The following CNTNAP5 variants were observed in gnomAD, a reference collection of about 807,000 sequenced individuals.
The protein encoded by CNTNAP5 is contactin associated protein family member 5, also known as contactin-associated protein-like 5.
CNTNAP5 carries 72 observed loss-of-function variants against 150.2 expected under a neutral mutation model. The observed-to-expected ratio is 0.48, with a 90% CI of 0.40 to 0.58. The LOEUF (loss-of-function observed/expected upper bound fraction) is 0.58, where lower values mean the gene tolerates loss of function less well. Ranked by LOEUF, CNTNAP5 falls within the 20% of genes least tolerant of loss-of-function variation. The pLI is 0.00. For synonymous variants in CNTNAP5, 672 were observed against 619.8 expected (o/e 1.08, Z -1.25); for missense variants, 1,636 against 1,626.2 (o/e 1.01, Z -0.10).
At chr2:124,049,112 C>A (rs143993278) in intron 1 of CNTNAP5, among the ~76,000 whole-genome samples, 3 of 152,120 alleles carry the variant, frequency 2.0e-5, no homozygotes, top group Non-Finnish European at 2.9e-5. Flanking sequence ...CTTTGAGAAA[C>A]GCTGATTTCA....
intron 6 of CNTNAP5, among the ~76,000 whole-genome samples, chr2:124,450,528 A>G (rs1692942037): frequency 6.7e-6 from 1 of 149,028 alleles, no homozygotes; most frequent in South Asian, 2.2e-4. Context: ...CAGAAGGCAA[A>G]CAGACAAGAG....
intron 13 of CNTNAP5, among the ~76,000 whole-genome samples, chr2:124,714,796 C>A (rs1679910642): frequency 6.6e-6 from 1 of 151,912 alleles, no homozygotes. Flanking sequence ...GGGCCACATA[C>A]ATATACATTT....
At chr2:124,624,615 C>T (rs1057175308) in intron 12 of CNTNAP5, among the ~76,000 whole-genome samples, 1 of 152,144 alleles carries the variant, frequency 6.6e-6, no homozygotes, top group Admixed American at 6.5e-5. Flanking sequence ...CTGAACTTGA[C>T]ATCAAGTTTA....
chr2:124,808,005 A>G (rs912270288), intron 19 of CNTNAP5, among the ~76,000 whole-genome samples: 1 of 152,146 alleles, frequency 6.6e-6, no homozygotes, highest in Admixed American at 6.5e-5. Flanking sequence ...ACAAGTCAAG[A>G]AAAAAATACC....
At chr2:124,203,700 C>T (rs1394765989) in intron 1 of CNTNAP5, among the ~76,000 whole-genome samples, 1 of 152,210 alleles carries the variant, frequency 6.6e-6, no homozygotes, top group Non-Finnish European at 1.5e-5. Flanking sequence ...GTGACTGCAC[C>T]CTCTGAAGCA....
At chr2:124,476,362 C>T (rs1175571524) in intron 7 of CNTNAP5, among the ~76,000 whole-genome samples, 1 of 151,936 alleles carries the variant, frequency 6.6e-6, no homozygotes, top group Non-Finnish European at 1.5e-5. Flanking sequence ...CTCTTGAAAC[C>T]ACAAGGGATA....
intron 13 of CNTNAP5, among the ~76,000 whole-genome samples, chr2:124,705,940 C>T (rs1300972403): frequency 6.6e-6 from 1 of 152,142 alleles, no homozygotes; most frequent in Non-Finnish European, 1.5e-5. Flanking sequence ...CTGTGGACAT[C>T]CACTGTTTCT....
At chr2:124,313,370 A>G (rs1688882239) in intron 3 of CNTNAP5, among the ~76,000 whole-genome samples, 1 of 152,214 alleles carries the variant, frequency 6.6e-6, no homozygotes, top group Admixed American at 6.5e-5. Context: ...TTACTGCAAT[A>G]GGAACTTGTT....
chr2:124,509,276 T>C (rs150164854), intron 8 of CNTNAP5, among the ~76,000 whole-genome samples: 1 of 152,232 alleles, frequency 6.6e-6, no homozygotes, highest in African/African-American at 2.4e-5. Flanking sequence ...ATAGAAGGCA[T>C]CTGAATTTAG....
At chr2:124,250,859 T>G (rs2104779255) in intron 3 of CNTNAP5, among the ~76,000 whole-genome samples, 1 of 151,620 alleles carries the variant, frequency 6.6e-6, no homozygotes, top group East Asian at 1.9e-4. Flanking sequence ...ATTGCAATGG[T>G]AACAATCAAC....
chr2:124,532,149 G>A (rs925095849), intron 10 of CNTNAP5, among the ~76,000 whole-genome samples: 1 of 152,190 alleles, frequency 6.6e-6, no homozygotes, highest in African/African-American at 2.4e-5. Flanking sequence ...CAAAGTGGGG[G>A]AGTAGAGTAT....
chr2:124,753,214 T>A (rs1268323700), intron 14 of CNTNAP5, among the ~76,000 whole-genome samples: 1 of 152,180 alleles, frequency 6.6e-6, no homozygotes, highest in East Asian at 1.9e-4. Flanking sequence ...AAATATTTTA[T>A]TCTTTTCCAT....
At chr2:124,665,691 C>T (rs978595443) in intron 13 of CNTNAP5, among the ~76,000 whole-genome samples, 1 of 151,988 alleles carries the variant, frequency 6.6e-6, no homozygotes, top group Non-Finnish European at 1.5e-5. Context: ...TCGAGACCAT[C>T]CTGGCTAACA....
chr2:124,306,703 TTCTC>T (rs1158637807), intron 3 of CNTNAP5, among the ~76,000 whole-genome samples: 8 of 150,626 alleles, frequency 5.3e-5, no homozygotes, highest in African/African-American at 2.0e-4. Context: ...CAAACTTGGT[TTCTC>T]TCTCTCTCTT....
At chr2:124,546,262 C>T (rs1695508591) in intron 10 of CNTNAP5, among the ~76,000 whole-genome samples, 1 of 152,184 alleles carries the variant, frequency 6.6e-6, no homozygotes. Flanking sequence ...TCCAGTTCTG[C>T]CTAATGTTAA....
chr2:124,425,611 A>G (rs2104786092), intron 4 of CNTNAP5, among the ~76,000 whole-genome samples: 1 of 152,174 alleles, frequency 6.6e-6, no homozygotes, highest in East Asian at 1.9e-4. Flanking sequence ...TTAGGTGACC[A>G]TATGTCCCAG....
At chr2:124,651,932 C>T (rs970543752) in intron 13 of CNTNAP5, among the ~76,000 whole-genome samples, 5 of 152,174 alleles carry the variant, frequency 3.3e-5, no homozygotes, top group Non-Finnish European at 5.9e-5. Flanking sequence ...CTTCTGCCTG[C>T]TCTCGGCTCC....
chr2:124,091,229 CG>C (rs1682805833), intron 1 of CNTNAP5, among the ~76,000 whole-genome samples: 1 of 152,016 alleles, frequency 6.6e-6, no homozygotes, highest in Non-Finnish European at 1.5e-5. Context: ...GGAAGAAGAA[CG>C]GATCAGTATA....
intron 1 of CNTNAP5, among the ~76,000 whole-genome samples, chr2:124,145,836 A>G (rs11677868): frequency 2.6e-5 from 2 of 75,802 alleles, no homozygotes; most frequent in Non-Finnish European, 5.0e-5. Context: ...AAAGAAGAAA[A>G]AAAAAAAAAA....
Sources: allele counts gnomAD v4.1 joint callset (sites outside exome capture counted in the v4.1 genomes callset), GRCh38; gene constraint gnomAD v4.1.1; transcripts MANE v1.5; gene names NCBI Gene and HGNC (gene_info 2026-07-23, HGNC 2026-07-21).